Variants in GRIK2 observed in about 807,000 individuals in gnomAD.
GRIK2 encodes glutamate ionotropic receptor kainate type subunit 2.
A neutral mutation model predicts 100.3 loss-of-function variants in GRIK2; 32 were observed. The observed-to-expected ratio is 0.32, with a 90% CI of 0.24 to 0.43. The LOEUF is 0.43. GRIK2 is among the 20% of genes least tolerant of loss of function. The pLI is 1.00. For missense variants in GRIK2, 843 were observed against 1,114.9 expected (o/e 0.76, Z 3.47); for synonymous variants, 417 against 389.4 (o/e 1.07, Z -0.83).
intron 4 of GRIK2, among the ~76,000 whole-genome samples, chr6:101,669,250 T>G (rs1770250620): frequency 6.6e-6 from 1 of 152,292 alleles, no homozygotes; most frequent in African/African-American, 2.4e-5. Context: ...ATTAAATAAT[T>G]TAACAATTTA....
intron 2 of GRIK2, among the ~76,000 whole-genome samples, chr6:101,485,144 T>C (rs972628850): frequency 1.3e-5 from 2 of 152,192 alleles, no homozygotes; most frequent in African/African-American, 4.8e-5. Flanking sequence ...TCCTATATCT[T>C]ACTCCAAATG....
At chr6:101,635,760 T>C (rs943257445) in intron 4 of GRIK2, among the ~76,000 whole-genome samples, 1 of 152,156 alleles carries the variant, frequency 6.6e-6, no homozygotes, top group African/African-American at 2.4e-5. Flanking sequence ...AAGCTCATCA[T>C]CACTGGTCAT....
intron 11 of GRIK2, among the ~76,000 whole-genome samples, chr6:101,860,697 T>C (rs2128443716): frequency 6.6e-6 from 1 of 152,218 alleles, no homozygotes; most frequent in East Asian, 1.9e-4. Context: ...CTGTTTTCAG[T>C]GGTGAAGTCT....
intron 7 of GRIK2, among the ~76,000 whole-genome samples, chr6:101,716,467 T>C (rs1774073655): frequency 6.6e-6 from 1 of 151,532 alleles, no homozygotes; most frequent in African/African-American, 2.4e-5. Context: ...TTCCTGTTTA[T>C]ACAGAAAAGT....
At chr6:101,598,596 A>T (rs1284735837) in intron 2 of GRIK2, among the ~76,000 whole-genome samples, 1 of 138,896 alleles carries the variant, frequency 7.2e-6, no homozygotes, top group African/African-American at 2.7e-5. Flanking sequence ...CCTTAATAAA[A>T]AAAAAAAAAA....
Position 101,495,099 on chromosome 6 carries a change from A to G in GRIK2, c.115+95707A>G, listed in dbSNP as rs561004235. On this transcript the variant is annotated intron_variant, in intron 2 of 16. Coordinates refer to ENST00000369134, the MANE Select transcript of GRIK2 (RefSeq NM_021956.5). ...ATCAATTATGTTCTCTATAGTATAT[A>G]AACTATTTGCATATATTCTATATTG... is the stretch of plus-strand genomic sequence containing the variant. Among the ~76,000 whole-genome samples the G allele has an allele frequency of 9.1e-4, 138 of 150,984 alleles. 1 individual carries two copies. Among genetic ancestry groups the G allele is most frequent in the Admixed American group, 1.7e-3 (26 of 15,126 alleles).
chr6:101,523,720 C>CTTTTTTTTTT (rs1163558120), intron 2 of GRIK2, among the ~76,000 whole-genome samples: 7,108 of 120,990 alleles, frequency 0.059, 434 homozygotes, highest in Non-Finnish European at 0.085. Flanking sequence ...ACTCCTAAGT[C>CTTTTTTTTTT]TTTTTTTTTT....
intron 7 of GRIK2, among the ~76,000 whole-genome samples, chr6:101,798,765 A>G (rs1780479219): frequency 6.6e-6 from 1 of 152,066 alleles, no homozygotes; most frequent in Non-Finnish European, 1.5e-5. Flanking sequence ...CTAGGTAGTA[A>G]GCCTGGCATC....
At chr6:101,780,655 T>C (rs915572653) in intron 7 of GRIK2, among the ~76,000 whole-genome samples, 8 of 152,176 alleles carry the variant, frequency 5.3e-5, no homozygotes, top group African/African-American at 1.9e-4. Flanking sequence ...ACTTCTCTCT[T>C]CCTCTGTTCC....
intron 11 of GRIK2, among the ~76,000 whole-genome samples, chr6:101,878,124 A>G (rs970699972): frequency 1.6e-5 from 2 of 126,522 alleles, no homozygotes; most frequent in African/African-American, 5.9e-5. Flanking sequence ...ATTATATTAT[A>G]TTATATTAAT....
At chr6:101,784,698 T>G (rs1779314135) in intron 7 of GRIK2, among the ~76,000 whole-genome samples, 1 of 152,168 alleles carries the variant, frequency 6.6e-6, no homozygotes. Flanking sequence ...TGAGATCTGA[T>G]GGTTTTATAA....
At position 101,793,620 on chromosome 6, in the gene GRIK2, G is replaced by T. The variant is rs963960321; in HGVS notation, c.952-6028G>T. 7.2e-5 allele frequency among the ~76,000 whole-genome samples: 11 copies of T among 152,112 alleles called. 1 individual carries two copies. Among genetic ancestry groups the T allele is most frequent in the South Asian group, 2.1e-4 (1 of 4,822 alleles). On this transcript the variant is annotated intron_variant, in intron 7 of 16. Transcript: ENST00000369134. ...TGTGAGGTGTCAGTCTGCCCCTACT[G>T]GGGGGTGCCTCCCAGTTAGGCTGCT...
chr6:102,009,139 T>A (rs575575963), intron 14 of GRIK2, among the ~76,000 whole-genome samples: 1 of 152,114 alleles, frequency 6.6e-6, no homozygotes, highest in Non-Finnish European at 1.5e-5. Flanking sequence ...TGTAGATATG[T>A]ACTTTATGTT....
At chr6:101,654,477 G>A (rs540520097) in intron 4 of GRIK2, among the ~76,000 whole-genome samples, 1 of 152,072 alleles carries the variant, frequency 6.6e-6, no homozygotes, top group Non-Finnish European at 1.5e-5. Flanking sequence ...ATTCTCTAGA[G>A]CCTGAATGGC....
chr6:101,492,133 C>A (rs1773159266), intron 2 of GRIK2, among the ~76,000 whole-genome samples: 1 of 151,784 alleles, frequency 6.6e-6, no homozygotes, highest in East Asian at 1.9e-4. Context: ...TATCAAGTTT[C>A]TATTAGGGTG....
chr6:101,809,035 T>C (rs1018645791), intron 9 of GRIK2, among the ~76,000 whole-genome samples: 3 of 151,608 alleles, frequency 2.0e-5, no homozygotes, highest in Non-Finnish European at 4.4e-5. Flanking sequence ...ATAAATAATA[T>C]AAAGCAATAT....
intron 10 of GRIK2, among the ~76,000 whole-genome samples, chr6:101,855,750 T>A (rs1309008078): frequency 6.6e-6 from 1 of 152,110 alleles, no homozygotes; most frequent in East Asian, 1.9e-4. Flanking sequence ...CACTGTTGGG[T>A]TTTAAGCAAA....
intron 10 of GRIK2, 64 bp downstream of exon 10, chr6:101,818,547 G>T: frequency 1.1e-6 from 1 of 877,272 alleles, no homozygotes; most frequent in Non-Finnish European, 1.9e-6. Context: ...GCATAGAAAA[G>T]GACATTATAA....
At chr6:101,542,524 A>G (rs1776050292) in intron 2 of GRIK2, among the ~76,000 whole-genome samples, 1 of 152,110 alleles carries the variant, frequency 6.6e-6, no homozygotes, top group Non-Finnish European at 1.5e-5. Flanking sequence ...AAATTGTAGC[A>G]TCTTCCTTTA....
Sources: gnomAD v4.1 joint callset for allele counts (sites outside exome capture counted in the v4.1 genomes callset) on GRCh38, gnomAD v4.1.1 for gene constraint, MANE v1.5 for transcripts, NCBI Gene and HGNC (gene_info 2026-07-23, HGNC 2026-07-21) for gene names.